Variants in PTPRD observed in about 807,000 individuals in gnomAD.
PTPRD encodes the protein receptor-type tyrosine-protein phosphatase delta.
Under a neutral mutation model 214.5 loss-of-function variants are expected in PTPRD, and 34 were observed. The ratio of observed to expected loss-of-function variants is 0.16; its 90% CI spans 0.12 to 0.21. The LOEUF (loss-of-function observed/expected upper bound fraction) is 0.21, where lower values mean the gene tolerates loss of function less well. PTPRD is among the 10% of genes least tolerant of loss of function. PTPRD has a pLI of 1.00. For synonymous variants in PTPRD, 1,128 were observed against 845.7 expected (o/e 1.33, Z -5.79); for missense variants, 2,545 against 2,398.7 (o/e 1.06, Z -1.27).
At chr9:9,750,026 G>A (rs1234232590) in intron 6 of PTPRD, among the ~76,000 whole-genome samples, 1 of 152,058 alleles carries the variant, frequency 6.6e-6, no homozygotes, top group Non-Finnish European at 1.5e-5. Flanking sequence ...TTGAAGATGG[G>A]TATTTTAATT....
chr9:8,843,339 C>G (rs1238194301), intron 11 of PTPRD, among the ~76,000 whole-genome samples: 1 of 152,174 alleles, frequency 6.6e-6, no homozygotes, highest in African/African-American at 2.4e-5. Context: ...AACACAGTAT[C>G]TTTCACTTAC....
At chr9:10,279,931 C>G (rs1042520322) in intron 3 of PTPRD, among the ~76,000 whole-genome samples, 1 of 152,132 alleles carries the variant, frequency 6.6e-6, no homozygotes, top group African/African-American at 2.4e-5. Context: ...CCACCCTATT[C>G]ACAGTCCTCG....
chr9:9,357,623 A>C (rs537140370), intron 9 of PTPRD, among the ~76,000 whole-genome samples: 86 of 151,330 alleles, frequency 5.7e-4, no homozygotes, highest in African/African-American at 2.0e-3. Flanking sequence ...TGAGGGAAAG[A>C]AGCAAAGTGA....
intron 5 of PTPRD, among the ~76,000 whole-genome samples, chr9:9,797,166 A>T (rs73641353): frequency 0.071 from 10,715 of 151,740 alleles, 516 homozygotes; most frequent in African/African-American, 0.14. Context: ...AGCTTAATTT[A>T]AAAAAATACA....
chr9:9,725,386 G>T (rs1329565074), intron 7 of PTPRD, among the ~76,000 whole-genome samples: 9 of 149,828 alleles, frequency 6.0e-5, no homozygotes, highest in Admixed American at 3.3e-4. Context: ...CACCATTATT[G>T]TAAGGCCTCC....
At chr9:9,205,849 T>A (rs1351339898) in intron 9 of PTPRD, among the ~76,000 whole-genome samples, 2 of 152,160 alleles carry the variant, frequency 1.3e-5, no homozygotes, top group Non-Finnish European at 2.9e-5. Flanking sequence ...CCCCTCATGG[T>A]TAGTCTCAGG....
intron 21 of PTPRD, among the ~76,000 whole-genome samples, chr9:8,510,496 C>T (rs1197978282): frequency 2.0e-5 from 3 of 152,120 alleles, no homozygotes; most frequent in African/African-American, 7.2e-5. Context: ...GCACTCTTGT[C>T]CCAGCTTCCG....
chr9:9,933,361 C>G (rs1602724494), intron 5 of PTPRD, among the ~76,000 whole-genome samples: 1 of 151,618 alleles, frequency 6.6e-6, no homozygotes, highest in East Asian at 1.9e-4. Flanking sequence ...CACACAGGCT[C>G]AAAATAAAAG....
chr9:9,099,558 T>C (rs190491704), intron 10 of PTPRD, among the ~76,000 whole-genome samples: 3 of 152,272 alleles, frequency 2.0e-5, no homozygotes. Flanking sequence ...TATAACTATG[T>C]GCAAAGTAGG....
At chr9:10,125,412 T>C (rs980862974) in intron 3 of PTPRD, among the ~76,000 whole-genome samples, 1 of 143,512 alleles carries the variant, frequency 7.0e-6, no homozygotes, top group Admixed American at 7.2e-5. Flanking sequence ...TTTTTATTTA[T>C]TTTGTTTTAT....
chr9:9,129,940 T>G (rs2099840081), intron 10 of PTPRD, among the ~76,000 whole-genome samples: 1 of 152,198 alleles, frequency 6.6e-6, no homozygotes, highest in African/African-American at 2.4e-5. Flanking sequence ...TGCTTGAGAT[T>G]ATTTGTAAAA....
intron 10 of PTPRD, among the ~76,000 whole-genome samples, chr9:9,129,347 G>C (rs2099839065): frequency 6.6e-6 from 1 of 152,236 alleles, no homozygotes; most frequent in African/African-American, 2.4e-5. Flanking sequence ...CCAAGATTGT[G>C]CCACTGCACT....
intron 3 of PTPRD, among the ~76,000 whole-genome samples, chr9:10,316,605 G>C (rs2096439787): frequency 1.3e-5 from 2 of 151,860 alleles, no homozygotes; most frequent in African/African-American, 4.8e-5. Flanking sequence ...ATGGTTTTAT[G>C]TTCAAAGCCA....
intron 3 of PTPRD, among the ~76,000 whole-genome samples, chr9:10,078,689 G>C (rs2098179650): frequency 6.6e-6 from 1 of 151,946 alleles, no homozygotes; most frequent in Non-Finnish European, 1.5e-5. Context: ...AAAATAACCT[G>C]TATAACAAAT....
intron 2 of PTPRD, among the ~76,000 whole-genome samples, chr9:10,463,802 T>C (rs1266273624): frequency 6.6e-6 from 1 of 151,774 alleles, no homozygotes; most frequent in Non-Finnish European, 1.5e-5. Context: ...AGAACTCTGC[T>C]TTACCCAAGC....
chr9:8,746,225 C>A (rs991383648), intron 11 of PTPRD, among the ~76,000 whole-genome samples: 3 of 152,118 alleles, frequency 2.0e-5, no homozygotes, highest in Admixed American at 6.5e-5. Context: ...GGAGAGACAA[C>A]AGCCTGAGTG....
At chr9:8,557,254 T>G (rs1425259404) in intron 14 of PTPRD, among the ~76,000 whole-genome samples, 1 of 151,936 alleles carries the variant, frequency 6.6e-6, no homozygotes, top group African/African-American at 2.4e-5. Context: ...CGGTCATTAC[T>G]AATGAGAGCG....
At chr9:9,371,684 A>C (rs1462491234) in intron 9 of PTPRD, among the ~76,000 whole-genome samples, 2 of 151,906 alleles carry the variant, frequency 1.3e-5, no homozygotes, top group East Asian at 3.9e-4. Context: ...TTGCTTCTCT[A>C]GTTCTTTTAA....
chr9:10,378,061 T>A (rs1565645462), intron 2 of PTPRD, among the ~76,000 whole-genome samples: 1 of 152,074 alleles, frequency 6.6e-6, no homozygotes, highest in African/African-American at 2.4e-5. Context: ...CCACATCCTC[T>A]CCAGCATTTG....
Sources: gnomAD v4.1 joint callset for allele counts (sites outside exome capture counted in the v4.1 genomes callset) on GRCh38, gnomAD v4.1.1 for gene constraint, MANE v1.5 for transcripts, NCBI Gene and HGNC (gene_info 2026-07-23, HGNC 2026-07-21) for gene names.